CLCN3: variants seen among roughly 807,000 people sequenced by gnomAD.
CLCN3 encodes H(+)/Cl(-) exchange transporter 3.
CLCN3 carries 16 observed loss-of-function variants against 83.4 expected under a neutral mutation model. The observed-to-expected ratio is 0.19, with a 90% CI of 0.13 to 0.29. The LOEUF is 0.29. Among genes scored for constraint, CLCN3 ranks in the 10% least tolerant of loss-of-function variants. The pLI, the probability that CLCN3 is intolerant of heterozygous loss-of-function variation, is 1.00. For missense variants in CLCN3, 544 were observed against 1,006.0 expected (o/e 0.54, Z 6.21); for synonymous variants, 322 against 346.2 (o/e 0.93, Z 0.78).
chr4:169,706,864 T>C lies in CLCN3; in HGVS notation c.1751-4T>C. The C allele has an allele frequency of 6.2e-7, 1 of 1,605,432 alleles. No individual in the cohort carries two copies. Among genetic ancestry groups the C allele is most frequent in the East Asian group, 2.2e-5 (1 of 44,682 alleles). ...CCTGACCAGTGGGTGCTTACTTTTTTCAGGTGGTGTGACAAGAATGACTGT... is the reference window on the plus strand; with the variant it reads ...CCTGACCAGTGGGTGCTTACTTTTTCCAGGTGGTGTGACAAGAATGACTGT... On this transcript the variant is annotated splice_polypyrimidine_tract_variant and splice_region_variant and intron_variant, in intron 10 of 12. Coordinates refer to ENST00000513761, the MANE Select transcript of CLCN3 (RefSeq NM_001829.4).
chr4:169,672,169 G>T (rs113143205), intron 2 of CLCN3, among the ~76,000 whole-genome samples: 5 of 151,718 alleles, frequency 3.3e-5, no homozygotes, highest in Middle Eastern at 3.4e-3. Context: ...CCGAGATCGC[G>T]CCACTGCACT....
Position 169,706,851 on chromosome 4 carries a change from G to A in CLCN3, c.1751-17G>A, listed in dbSNP as rs778938148. On this transcript the variant is annotated splice_polypyrimidine_tract_variant and intron_variant, in intron 10 of 12. Coordinates refer to ENST00000513761, the MANE Select transcript of CLCN3 (RefSeq NM_001829.4). ...GGATCCTGTCCTTCCTGACCAGTGG[G>A]TGCTTACTTTTTTCAGGTGGTGTGA... 2 of 1,601,840 alleles carry A rather than the reference G, an allele frequency of 1.2e-6. No individual in the cohort carries two copies. Among genetic ancestry groups the A allele is most frequent in the Non-Finnish European group, 8.5e-7 (1 of 1,171,338 alleles).
intron 2 of CLCN3, among the ~76,000 whole-genome samples, chr4:169,647,691 T>TATATGATATA (rs1224071421): frequency 6.6e-6 from 1 of 152,174 alleles, no homozygotes; most frequent in African/African-American, 2.4e-5. Flanking sequence ...ATAAAGGATA[T>TATATGATATA]AAGTTGACAT....
At chr4:169,655,375 T>C (rs1016834708) in intron 2 of CLCN3, among the ~76,000 whole-genome samples, 7 of 152,358 alleles carry the variant, frequency 4.6e-5, no homozygotes, top group South Asian at 2.1e-4. Context: ...GCTTAGTCTT[T>C]ATATTAGCTT....
At chr4:169,714,365 G>A (rs986267194) in intron 12 of CLCN3, among the ~76,000 whole-genome samples, 1 of 151,738 alleles carries the variant, frequency 6.6e-6, no homozygotes, top group Non-Finnish European at 1.5e-5. Context: ...GAGAGAAAAA[G>A]AACAGAAAGG....
At chr4:169,666,507 C>T (rs750870706) in intron 2 of CLCN3, among the ~76,000 whole-genome samples, 89 of 152,258 alleles carry the variant, frequency 5.8e-4, no homozygotes, top group Non-Finnish European at 1.1e-3. Flanking sequence ...TTTTCTATTG[C>T]AGCATTTTAA....
chr4:169,623,995 A>G (rs1773169153), intron 1 of CLCN3, among the ~76,000 whole-genome samples: 2 of 152,198 alleles, frequency 1.3e-5, no homozygotes, highest in South Asian at 4.1e-4. Flanking sequence ...AAGTAATCCT[A>G]TAAAATCAGT....
intron 2 of CLCN3, among the ~76,000 whole-genome samples, chr4:169,649,539 A>G (rs1465374829): frequency 1.3e-5 from 2 of 152,180 alleles, no homozygotes; most frequent in Non-Finnish European, 2.9e-5. Flanking sequence ...TTTAGGAGTA[A>G]AATCAGCCAG....
intron 1 of CLCN3, 93 bp from the exon 2 acceptor site, chr4:169,635,820 C>A: frequency 1.0e-6 from 1 of 986,832 alleles, no homozygotes; most frequent in Non-Finnish European, 1.4e-6. Context: ...TTTTTTTTAG[C>A]ACATAGATCA....
intron 2 of CLCN3, among the ~76,000 whole-genome samples, chr4:169,659,551 C>T (rs192042894): frequency 6.6e-5 from 10 of 152,184 alleles, no homozygotes; most frequent in East Asian, 3.9e-4. Context: ...TTACTTAGTA[C>T]GTTGATAGTT....
In CLCN3 at chr4:169,723,507, T is replaced by A. The variant is rs1325880483; in HGVS notation, c.*3510T>A. On this transcript the variant is annotated 3_prime_UTR_variant, in exon 13 of 13. Coordinates refer to ENST00000513761, the MANE Select transcript of CLCN3 (RefSeq NM_001829.4). ...ATTTTTTTTTTTTTCGCAAGAAAAA[T>A]TACGCTATTTGCATGAAAAGAGGTA... 3.3e-5 allele frequency: 5 copies of A among 150,168 alleles called. No homozygotes were observed. The highest frequency in any genetic ancestry group is 3.9e-4 in the East Asian group (2 of 5,084). The allele number at this position is 150,168 out of a possible 1,614,324, so 9.3% of individuals were successfully genotyped here.
chr4:169,702,098 T>G (rs966836812), intron 9 of CLCN3, among the ~76,000 whole-genome samples: 1 of 152,166 alleles, frequency 6.6e-6, no homozygotes, highest in Non-Finnish European at 1.5e-5. Flanking sequence ...GATCGCTAGT[T>G]TCAGGTGTTT....
At chr4:169,696,915 G>A (rs758137867) in intron 8 of CLCN3, among the ~76,000 whole-genome samples, 10 of 151,198 alleles carry the variant, frequency 6.6e-5, no homozygotes, top group Non-Finnish European at 1.5e-4. Flanking sequence ...TGAATTGAAT[G>A]TGAAACTCAT....
rs1193910860 is a variant in CLCN3, at chr4:169,635,905, C to A, written c.-16-8C>A. On this transcript the variant is annotated splice_region_variant and splice_polypyrimidine_tract_variant and intron_variant, in intron 1 of 12. Transcript: ENST00000513761. ...AAAAATGTTAAAACTACTTTTTCCC[C>A]CCCACAGATAATCAGACAGCTAAAT... 2.0e-6 allele frequency: 3 copies of A among 1,512,510 alleles called. No individual in the cohort carries two copies. Among genetic ancestry groups the A allele is most frequent in the East Asian group, 2.4e-5 (1 of 41,992 alleles). 93.7% of individuals were successfully genotyped at this position (1,512,510 alleles called of 1,614,324 possible).
chr4:169,654,375 A>G (rs1730822979), intron 2 of CLCN3, among the ~76,000 whole-genome samples: 1 of 151,032 alleles, frequency 6.6e-6, no homozygotes. Context: ...GTTCTTTTCT[A>G]TTATGTATTT....
intron 1 of CLCN3, among the ~76,000 whole-genome samples, chr4:169,630,950 T>C (rs1773354195): frequency 6.6e-6 from 1 of 152,218 alleles, no homozygotes; most frequent in East Asian, 1.9e-4. Flanking sequence ...TGTAGAACAA[T>C]TTATTTTCTT....
intron 6 of CLCN3, among the ~76,000 whole-genome samples, chr4:169,691,050 G>A (rs1440266329): frequency 6.6e-6 from 1 of 152,028 alleles, no homozygotes; most frequent in Non-Finnish European, 1.5e-5. Context: ...CCAGACTGGA[G>A]TGCAGTGGCG....
intron 9 of CLCN3, chr4:169,702,842 C>T (rs771435990): frequency 1.9e-5 from 5 of 267,408 alleles, no homozygotes; most frequent in African/African-American, 4.4e-5. Flanking sequence ...CAGCTACTCA[C>T]GAGGCTGAGT....
rs1220421279 is a variant in CLCN3, at chr4:169,713,217, C to T, written c.2288C>T (p.Thr763Ile). 6.2e-7 allele frequency: 1 copy of T among 1,614,112 alleles called. No homozygotes were observed. The highest frequency in any genetic ancestry group is 1.7e-5 in the Admixed American group (1 of 60,022). The change falls in exon 12 of 13, where the codon ACA becomes ATA. Residue 763 changes from threonine to isoleucine, a missense_variant. Around this residue, in one of 6 missense-constraint regions of CLCN3, gnomAD observed 142 missense variants for 225.0 expected, o/e 0.63. Coordinates refer to ENST00000513761, the MANE Select transcript of CLCN3 (RefSeq NM_001829.4). ...SILDMSPFTV[T>I]DHTPMEIVVD... ...CTTGACATGAGCCCTTTTACAGTGA[C>T]AGACCACACCCCAATGGAGATCGTG...
Sources: allele counts gnomAD v4.1 joint callset (sites outside exome capture counted in the v4.1 genomes callset), GRCh38; gene constraint gnomAD v4.1.1; regional missense constraint gnomAD v4.1.1; transcripts MANE v1.5; gene names NCBI Gene and HGNC (gene_info 2026-07-23, HGNC 2026-07-21).